BLTP2: variants seen among roughly 807,000 people sequenced by gnomAD.
The protein encoded by BLTP2 is U937-associated antigen.
At chr17:28,635,597 C>T in the BLTP2 span, 1 of 1,612,348 alleles carries the variant, frequency 6.2e-7, no homozygotes, top group Non-Finnish European at 8.5e-7. Flanking sequence ...GTCAGCCCTG[C>T]ACCACACTGA....
At chr17:28,618,875 A>T in the BLTP2 span, 1 of 1,614,220 alleles carries the variant, frequency 6.2e-7, no homozygotes, top group South Asian at 1.1e-5. Context: ...GTGCCTGAGC[A>T]AAGTAAAACT....
the BLTP2 span, chr17:28,624,155 A>G: frequency 1.3e-6 from 2 of 1,511,860 alleles, no homozygotes; most frequent in Non-Finnish European, 9.0e-7. Context: ...TCACCCATTC[A>G]TATTTAGAGG....
the BLTP2 span, chr17:28,643,124 G>A: frequency 6.2e-7 from 1 of 1,611,582 alleles, no homozygotes; most frequent in Non-Finnish European, 8.5e-7. Flanking sequence ...AGCCAACCAT[G>A]CCAAAGTACA....
chr17:28,633,501 C>T, the BLTP2 span: 2 of 1,602,320 alleles, frequency 1.2e-6, no homozygotes, highest in South Asian at 2.2e-5. Context: ...CTATACAGAC[C>T]TCAACCATAC....
chr17:28,627,017 T>A, the BLTP2 span, among the ~76,000 whole-genome samples: 1,844 of 152,264 alleles, frequency 0.012, 16 homozygotes, highest in Admixed American at 0.017. Flanking sequence ...ACCTTTGGAA[T>A]CTGATGCTGT....
chr17:28,640,804 C>T, the BLTP2 span: 1 of 866,026 alleles, frequency 1.2e-6, no homozygotes, highest in Non-Finnish European at 1.8e-6. Flanking sequence ...AATGCCTAAG[C>T]TGGATGGACC....
At chr17:28,635,651 A>C in the BLTP2 span, 1 of 1,561,580 alleles carries the variant, frequency 6.4e-7, no homozygotes, top group Non-Finnish European at 8.7e-7. Context: ...TTACCATGTC[A>C]CAAAACAGTA....
At chr17:28,621,386 G>T in the BLTP2 span, 2 of 1,606,342 alleles carry the variant, frequency 1.2e-6, no homozygotes, top group Admixed American at 1.7e-5. Flanking sequence ...TGCAGAGGAG[G>T]GGGAGGGCTG....
chr17:28,640,168 G>T, the BLTP2 span: 2 of 857,780 alleles, frequency 2.3e-6, no homozygotes, highest in African/African-American at 1.7e-5. Flanking sequence ...GCCGAGGCAG[G>T]GGGATCACGA....
chr17:28,644,858 T>G, the BLTP2 span: 8 of 370,468 alleles, frequency 2.2e-5, no homozygotes, highest in East Asian at 7.4e-5. Context: ...GCGCGCCCCC[T>G]CCCTCCACCC....
the BLTP2 span, chr17:28,620,895 T>C: frequency 3.2e-6 from 4 of 1,252,436 alleles, no homozygotes; most frequent in Non-Finnish European, 4.6e-6. Flanking sequence ...ACAGTGGATT[T>C]TTAATAACTC....
At chr17:28,624,435 G>A in the BLTP2 span, 3 of 1,571,916 alleles carry the variant, frequency 1.9e-6, no homozygotes, top group Admixed American at 5.5e-5. Context: ...GTCTCAAAGG[G>A]AAAGACTTTT....
chr17:28,623,966 T>C, the BLTP2 span: 1 of 1,613,246 alleles, frequency 6.2e-7, no homozygotes, highest in Admixed American at 1.7e-5. Flanking sequence ...CGAAGAACCA[T>C]CTATGCCAGA....
At chr17:28,641,211 G>A in the BLTP2 span, among the ~76,000 whole-genome samples, 2 of 152,130 alleles carry the variant, frequency 1.3e-5, no homozygotes, top group Middle Eastern at 3.2e-3. Context: ...GCAAATATTG[G>A]CATTTTCCAT....
chr17:28,616,898 C>A, the BLTP2 span: 5 of 1,613,072 alleles, frequency 3.1e-6, no homozygotes, highest in African/African-American at 2.7e-5. The surrounding 1 kb of genome is among the most constrained non-coding windows in gnomAD (Gnocchi z 4.8). Context: ...CCTCAAAATG[C>A]TCCTTAACAG....
the BLTP2 span, chr17:28,644,916 A>G: frequency 7.5e-7 from 1 of 1,326,098 alleles, no homozygotes; most frequent in Non-Finnish European, 1.0e-6. Context: ...CCCCCTCCTC[A>G]GTCTTTCTTC....
chr17:28,630,475 T>TG, the BLTP2 span, among the ~76,000 whole-genome samples: 5 of 143,888 alleles, frequency 3.5e-5, no homozygotes, highest in East Asian at 1.0e-3. Flanking sequence ...GTTTTTTTTT[T>TG]TTTTTTTTTT....
At chr17:28,628,544 C>G in the BLTP2 span, 2 of 1,613,568 alleles carry the variant, frequency 1.2e-6, no homozygotes, top group Non-Finnish European at 1.7e-6. Flanking sequence ...GGATCCCCAT[C>G]ACGAGCAGAG....
chr17:28,641,927 T>C, the BLTP2 span: 4 of 1,614,014 alleles, frequency 2.5e-6, no homozygotes, highest in Non-Finnish European at 3.4e-6. Context: ...GCTTGGGCCC[T>C]GGCACAGCAG....
Sources: gnomAD v4.1 joint callset for allele counts (sites outside exome capture counted in the v4.1 genomes callset) on GRCh38, gnomAD v4.1.1 for gene constraint, Gnocchi (gnomAD v3.1) non-coding constraint, MANE v1.5 for transcripts, NCBI Gene and HGNC (gene_info 2026-07-23, HGNC 2026-07-21) for gene names.